CNTN3: variants seen among roughly 807,000 people sequenced by gnomAD.
CNTN3 encodes contactin-3.
CNTN3 carries 60 observed loss-of-function variants against 119.1 expected under a neutral mutation model. That is an observed-to-expected ratio of 0.50 (90% CI 0.41 to 0.62). CNTN3 has a LOEUF of 0.62. Ranked by LOEUF, CNTN3 falls within the 20% of genes least tolerant of loss-of-function variation. The pLI, the probability that CNTN3 is intolerant of heterozygous loss-of-function variation, is 0.00. For missense variants in CNTN3, 1,101 were observed against 1,242.4 expected (o/e 0.89, Z 1.71); for synonymous variants, 450 against 438.7 (o/e 1.03, Z -0.32).
At chr3:74,396,903 A>G (rs539609366) in intron 5 of CNTN3, among the ~76,000 whole-genome samples, 38 of 152,284 alleles carry the variant, frequency 2.5e-4, no homozygotes, top group Non-Finnish European at 4.6e-4. Context: ...GCTGCAGCAC[A>G]TTTTCCAGGA....
intron 3 of CNTN3, among the ~76,000 whole-genome samples, chr3:74,491,952 C>T (rs532480097): frequency 1.1e-4 from 17 of 152,256 alleles, no homozygotes; most frequent in Admixed American, 2.0e-4. Flanking sequence ...AAGAAGACAA[C>T]CTCGTGTCTC....
At chr3:74,594,102 G>A (rs1311903808) in intron 1 of CNTN3, among the ~76,000 whole-genome samples, 4 of 151,696 alleles carry the variant, frequency 2.6e-5, no homozygotes, top group Non-Finnish European at 5.9e-5. Flanking sequence ...GAGAAGGGCA[G>A]GCAAACTCTG....
At chr3:74,614,004 G>A (rs1401852034) in intron 1 of CNTN3, among the ~76,000 whole-genome samples, 1 of 152,100 alleles carries the variant, frequency 6.6e-6, no homozygotes, top group Non-Finnish European at 1.5e-5. Flanking sequence ...CAGCAAAGAG[G>A]TATCACATTC....
chr3:74,472,212 A>G (rs964211140), intron 4 of CNTN3, among the ~76,000 whole-genome samples: 1 of 152,214 alleles, frequency 6.6e-6, no homozygotes, highest in African/African-American at 2.4e-5. Context: ...CCATATTCCA[A>G]CACAACAGAG....
chr3:74,270,712 G>A (rs1701757151), intron 20 of CNTN3, among the ~76,000 whole-genome samples: 1 of 152,160 alleles, frequency 6.6e-6, no homozygotes, highest in African/African-American at 2.4e-5. Flanking sequence ...TTGAACCTGT[G>A]TGGAAGTGCA....
At chr3:74,302,552 A>G in intron 14 of CNTN3, 138 bp downstream of exon 14, 1 of 608,936 alleles carries the variant, frequency 1.6e-6, no homozygotes, top group Admixed American at 2.7e-5. Flanking sequence ...CTATTGTCAT[A>G]TTCTGTGGTC....
rs148303961 is a variant in CNTN3, at chr3:74,546,156, C to T, written c.-80-24964G>A. Among the ~76,000 whole-genome samples, 1,055 of 152,064 alleles carry T rather than the reference C, an allele frequency of 6.9e-3. 14 individuals carry two copies. Among genetic ancestry groups the T allele is most frequent in the African/African-American group, 0.022 (922 of 41,472 alleles). On this transcript the variant is annotated intron_variant, in intron 1 of 22. Coordinates refer to ENST00000263665, the MANE Select transcript of CNTN3 (RefSeq NM_020872.3). ...GACTACAGGCGCCCGCCAGTATGCC[C>T]GGCTAATTTTTTGCATTTTCAGTAG... is the stretch of plus-strand genomic sequence containing the variant.
chr3:74,292,259 G>C (rs1440676024), intron 19 of CNTN3, among the ~76,000 whole-genome samples: 1 of 152,182 alleles, frequency 6.6e-6, no homozygotes, highest in Non-Finnish European at 1.5e-5. Context: ...CCTACTGACT[G>C]TTTATTATGA....
At chr3:74,388,492 A>G (rs986938629) in intron 5 of CNTN3, among the ~76,000 whole-genome samples, 1 of 152,152 alleles carries the variant, frequency 6.6e-6, no homozygotes, top group Non-Finnish European at 1.5e-5. Context: ...AAAAGGAAAA[A>G]CACAAACATA....
chr3:74,472,584 T>C (rs1702585480), intron 4 of CNTN3, among the ~76,000 whole-genome samples: 1 of 152,184 alleles, frequency 6.6e-6, no homozygotes, highest in African/African-American at 2.4e-5. Flanking sequence ...ATACACAGGC[T>C]GAGAAGTTAG....
At chr3:74,561,025 G>T (rs1254969999) in intron 1 of CNTN3, among the ~76,000 whole-genome samples, 3 of 112,194 alleles carry the variant, frequency 2.7e-5, no homozygotes, top group Non-Finnish European at 3.5e-5. Context: ...GGGACCTGTT[G>T]TGGGATGGGG....
intron 5 of CNTN3, among the ~76,000 whole-genome samples, chr3:74,417,486 C>T (rs1701542224): frequency 6.6e-6 from 1 of 152,086 alleles, no homozygotes. Flanking sequence ...AAATAAATAG[C>T]TGTTTGATGG....
At chr3:74,595,321 G>A (rs1212758902) in intron 1 of CNTN3, among the ~76,000 whole-genome samples, 7 of 151,240 alleles carry the variant, frequency 4.6e-5, no homozygotes, top group Non-Finnish European at 8.9e-5. Flanking sequence ...GTCAATTTTG[G>A]CTTTTGTTGC....
At chr3:74,370,295 T>C (rs1376182461) in intron 6 of CNTN3, among the ~76,000 whole-genome samples, 2 of 152,078 alleles carry the variant, frequency 1.3e-5, no homozygotes, top group Non-Finnish European at 2.9e-5. Context: ...TTTAAGAACT[T>C]TGGATTTGCT....
intron 5 of CNTN3, among the ~76,000 whole-genome samples, chr3:74,386,046 T>G (rs754483842): frequency 6.6e-6 from 1 of 152,074 alleles, no homozygotes; most frequent in African/African-American, 2.4e-5. Flanking sequence ...GTTTTACAGA[T>G]AAGGTAACTA....
chr3:74,436,114 G>A (rs1221591394), intron 4 of CNTN3, among the ~76,000 whole-genome samples: 2 of 152,172 alleles, frequency 1.3e-5, no homozygotes, highest in African/African-American at 2.4e-5. Flanking sequence ...TAGGTTCAGG[G>A]TATTTGGACA....
At chr3:74,587,650 C>T (rs188874212) in intron 1 of CNTN3, among the ~76,000 whole-genome samples, 12 of 152,142 alleles carry the variant, frequency 7.9e-5, no homozygotes, top group Admixed American at 5.2e-4. Flanking sequence ...CACAGTTATC[C>T]GAAAACCATC....
intron 17 of CNTN3, among the ~76,000 whole-genome samples, chr3:74,299,096 A>T (rs572087813): frequency 6.6e-6 from 1 of 151,910 alleles, no homozygotes; most frequent in African/African-American, 2.4e-5. Flanking sequence ...AATTCTAGCT[A>T]TTTGGGGAGG....
intron 20 of CNTN3, among the ~76,000 whole-genome samples, chr3:74,267,757 G>T (rs559071958): frequency 1.3e-5 from 2 of 152,112 alleles, no homozygotes; most frequent in African/African-American, 4.8e-5. Context: ...CACGTCGATG[G>T]GGGGGATAAG....
Sources: allele counts gnomAD v4.1 joint callset (sites outside exome capture counted in the v4.1 genomes callset), GRCh38; gene constraint gnomAD v4.1.1; transcripts MANE v1.5; gene names NCBI Gene and HGNC (gene_info 2026-07-23, HGNC 2026-07-21).